The following MGMT variants were observed in gnomAD, a reference collection of about 807,000 sequenced individuals.
MGMT encodes methylated-DNA--protein-cysteine methyltransferase.
In MGMT, 14 loss-of-function variants were observed where a neutral mutation model predicts 15.9. The ratio of observed to expected loss-of-function variants is 0.88; its 90% CI spans 0.58 to 1.37. The LOEUF (loss-of-function observed/expected upper bound fraction) is 1.37, where lower values mean the gene tolerates loss of function less well. MGMT is among the 40% of genes most tolerant of loss of function. The pLI, the probability that MGMT is intolerant of heterozygous loss-of-function variation, is 0.00. For missense variants in MGMT, 282 were observed against 268.1 expected (o/e 1.05, Z -0.36); for synonymous variants, 130 against 118.2 (o/e 1.10, Z -0.65).
chr10:129,539,650 G>C (rs1436536999), intron 2 of MGMT, among the ~76,000 whole-genome samples: 1 of 152,144 alleles, frequency 6.6e-6, no homozygotes, highest in African/African-American at 2.4e-5. Flanking sequence ...GAGACTACAG[G>C]CGCCTGCTGC....
chr10:129,580,950 G>A (rs182218731), intron 2 of MGMT, among the ~76,000 whole-genome samples: 7 of 152,338 alleles, frequency 4.6e-5, no homozygotes, highest in South Asian at 2.1e-4. Context: ...AGATCCAGCC[G>A]CTGTCTGGTC....
chr10:129,750,302 A>G (rs1848738207), intron 3 of MGMT, among the ~76,000 whole-genome samples: 1 of 152,164 alleles, frequency 6.6e-6, no homozygotes, highest in Non-Finnish European at 1.5e-5. Flanking sequence ...TAAAGTCTGT[A>G]TCTGGATTCA....
At chr10:129,704,405 G>A (rs1405677734) in intron 2 of MGMT, among the ~76,000 whole-genome samples, 1 of 152,074 alleles carries the variant, frequency 6.6e-6, no homozygotes. Context: ...AGTGGCTTGG[G>A]CTGTGGAGAC....
chr10:129,625,436 A>G (rs1472814240), intron 2 of MGMT, among the ~76,000 whole-genome samples: 1 of 152,224 alleles, frequency 6.6e-6, no homozygotes, highest in Non-Finnish European at 1.5e-5. Context: ...ACCACAGACC[A>G]ATGTCTCTCA....
chr10:129,589,685 C>G (rs1447461595), intron 2 of MGMT, among the ~76,000 whole-genome samples: 2 of 152,232 alleles, frequency 1.3e-5, no homozygotes, highest in African/African-American at 4.8e-5. Flanking sequence ...CTGCTTAACG[C>G]TCACATGGGT....
intron 2 of MGMT, among the ~76,000 whole-genome samples, chr10:129,645,612 C>A (rs1218475159): frequency 2.6e-5 from 4 of 152,178 alleles, no homozygotes; most frequent in African/African-American, 9.7e-5. Flanking sequence ...TGCCTTGAGG[C>A]AGAAGCATGG....
chr10:129,661,892 G>A (rs144149512), intron 2 of MGMT, among the ~76,000 whole-genome samples: 13 of 152,254 alleles, frequency 8.5e-5, no homozygotes, highest in African/African-American at 2.9e-4. Flanking sequence ...CTACATAGAT[G>A]GTTTTGCTAC....
At chr10:129,555,299 G>A (rs562054258) in intron 2 of MGMT, among the ~76,000 whole-genome samples, 1 of 152,200 alleles carries the variant, frequency 6.6e-6, no homozygotes, top group African/African-American at 2.4e-5. Context: ...CTGCCCGAGC[G>A]CTGTTCTCCT....
intron 2 of MGMT, among the ~76,000 whole-genome samples, chr10:129,671,024 T>A (rs766452808): frequency 6.6e-6 from 1 of 152,218 alleles, no homozygotes; most frequent in Non-Finnish European, 1.5e-5. Context: ...TAATCCTCCT[T>A]CTGCCTGAAG....
intron 3 of MGMT, among the ~76,000 whole-genome samples, chr10:129,733,752 G>A (rs1848529280): frequency 6.6e-6 from 1 of 152,040 alleles, no homozygotes; most frequent in Non-Finnish European, 1.5e-5. Flanking sequence ...TGTAAGGAAG[G>A]GATCCAGTTT....
chr10:129,568,316 G>T (rs936129528), intron 2 of MGMT, among the ~76,000 whole-genome samples: 1 of 152,204 alleles, frequency 6.6e-6, no homozygotes, highest in Non-Finnish European at 1.5e-5. Flanking sequence ...TACAGCTCAG[G>T]ACACTGGGGT....
intron 1 of MGMT, among the ~76,000 whole-genome samples, chr10:129,513,508 C>G (rs1845706385): frequency 6.6e-6 from 1 of 152,114 alleles, no homozygotes; most frequent in Non-Finnish European, 1.5e-5. Context: ...TGGCAGGTGT[C>G]TGGAGCAGCA....
At chr10:129,524,057 T>A (rs1240581043) in intron 1 of MGMT, among the ~76,000 whole-genome samples, 4 of 152,188 alleles carry the variant, frequency 2.6e-5, no homozygotes, top group African/African-American at 9.7e-5. Flanking sequence ...GAAGGTGCAC[T>A]GGTACCTACT....
chr10:129,683,687 A>G (rs1156644537), intron 2 of MGMT, among the ~76,000 whole-genome samples: 1 of 152,216 alleles, frequency 6.6e-6, no homozygotes. Context: ...GTTTCCTGTC[A>G]TGATGACTTA....
chr10:129,672,981 C>A (rs6482745), intron 2 of MGMT, among the ~76,000 whole-genome samples: 1 of 152,026 alleles, frequency 6.6e-6, no homozygotes, highest in Non-Finnish European at 1.5e-5. Flanking sequence ...CTCATTCTAA[C>A]CCTAGGGATT....
At chr10:129,726,230 G>A (rs2133158659) in intron 3 of MGMT, among the ~76,000 whole-genome samples, 1 of 152,264 alleles carries the variant, frequency 6.6e-6, no homozygotes, top group South Asian at 2.1e-4. Flanking sequence ...CCTTGGCACA[G>A]ATGAGACTTG....
intron 1 of MGMT, among the ~76,000 whole-genome samples, chr10:129,493,291 C>T (rs2119660775): frequency 6.6e-6 from 1 of 152,260 alleles, no homozygotes; most frequent in East Asian, 1.9e-4. Context: ...CTCGGGTTGT[C>T]AGGGAGGCCC....
chr10:129,739,142 A>G (rs1015647543), intron 3 of MGMT, among the ~76,000 whole-genome samples: 1 of 152,200 alleles, frequency 6.6e-6, no homozygotes, highest in African/African-American at 2.4e-5. Context: ...CTAGGTATTG[A>G]CGGAACGTAT....
At chr10:129,561,152 C>A (rs933024194) in intron 2 of MGMT, among the ~76,000 whole-genome samples, 3 of 152,174 alleles carry the variant, frequency 2.0e-5, no homozygotes, top group African/African-American at 7.2e-5. Flanking sequence ...GAATGTCTTT[C>A]ACCGTGATTC....
Sources: gnomAD v4.1 joint callset for allele counts (sites outside exome capture counted in the v4.1 genomes callset) on GRCh38, gnomAD v4.1.1 for gene constraint, MANE v1.5 for transcripts, NCBI Gene and HGNC (gene_info 2026-07-23, HGNC 2026-07-21) for gene names.